PTCHD4: variants seen among roughly 807,000 people sequenced by gnomAD.
PTCHD4 encodes patched domain-containing protein 4.
PTCHD4 carries 33 observed loss-of-function variants against 58.1 expected under a neutral mutation model. The ratio of observed to expected loss-of-function variants is 0.57; its 90% confidence interval spans 0.43 to 0.76. PTCHD4 has a LOEUF of 0.76. PTCHD4 is among the 30% of genes least tolerant of loss of function. The pLI is 0.00. For synonymous variants in PTCHD4, 478 were observed against 409.6 expected (o/e 1.17, Z -2.02); for missense variants, 1,058 against 1,027.1 (o/e 1.03, Z -0.41).
chr6:48,068,343 A>T lies in PTCHD4; in HGVS notation c.304T>A (p.Leu102Ile), dbSNP rs749835486. ...DQSKSQLYSD[L>I]HTPGRYGRVI... ...CTGCCATACCTCCCAGGGGTGTGTAAGTCCGAATAGAGCTGGCTTTTGGAC... is the reference window on the plus strand; with the variant it reads ...CTGCCATACCTCCCAGGGGTGTGTATGTCCGAATAGAGCTGGCTTTTGGAC... The change falls in exon 3 of 5, where the codon TTA becomes ATA. Residue 102 changes from leucine to isoleucine, a missense_variant. Physicochemically the swap from Leu to Ile is conservative, Grantham distance 5. Transcript: ENST00000339488. This position sits in a 1 kb window ranked among gnomAD's most constrained non-coding sequence, Gnocchi z 4.2. 1.9e-6 allele frequency: 3 copies of T among 1,613,892 alleles called. No individual in the cohort carries two copies. Among genetic ancestry groups the T allele is most frequent in the East Asian group, 4.5e-5 (2 of 44,834 alleles).
At chr6:47,888,454 G>A (rs1405101171) in intron 4 of PTCHD4, among the ~76,000 whole-genome samples, 1 of 152,094 alleles carries the variant, frequency 6.6e-6, no homozygotes, top group Non-Finnish European at 1.5e-5. Flanking sequence ...GCACTCAGGA[G>A]GTTACAGGAT....
At chr6:47,954,325 C>G (rs958142541) in intron 4 of PTCHD4, among the ~76,000 whole-genome samples, 2 of 152,104 alleles carry the variant, frequency 1.3e-5, no homozygotes, top group African/African-American at 4.8e-5. Flanking sequence ...CCACTGCACT[C>G]CAGCATGGGC....
chr6:47,913,469 C>G (rs1765131366), intron 4 of PTCHD4, among the ~76,000 whole-genome samples: 1 of 151,968 alleles, frequency 6.6e-6, no homozygotes, highest in Non-Finnish European at 1.5e-5. Flanking sequence ...TATTTTTTCA[C>G]TCTGGTAAAA....
rs1429946486 is a variant in PTCHD4, at chr6:48,068,735, G to GCCT, written c.6-97_6-95dup. 3 of 1,158,112 alleles carry GCCT rather than the reference G, an allele frequency of 2.6e-6. No individual in the cohort carries two copies. The African/African-American group carries it at 7.6e-5, about 29-fold the overall frequency. 71.7% of individuals were successfully genotyped at this position (1,158,112 alleles called of 1,614,324 possible). A position where few individuals can be genotyped will look rare whatever the true frequency, so the allele number is the denominator to read the frequency against. ...CCAGTCCCCCCTCCCCACCGCCGCC[G>GCCT]CCTCCCCACCCACTCCGCGCTCACC... is the stretch of plus-strand genomic sequence containing the variant. On this transcript the variant is annotated intron_variant, in intron 2 of 4. Transcript: ENST00000339488. The surrounding 1 kb of genome is among the most constrained non-coding windows in gnomAD (Gnocchi z 4.2).
intron 3 of PTCHD4, among the ~76,000 whole-genome samples, chr6:48,063,508 G>A (rs114013223): frequency 2.5e-4 from 38 of 152,290 alleles, no homozygotes; most frequent in Non-Finnish European, 4.7e-4. Context: ...TTGTGGTTAA[G>A]AATATGAGCT....
At chr6:47,957,123 C>T (rs982556021) in intron 4 of PTCHD4, among the ~76,000 whole-genome samples, 1 of 151,256 alleles carries the variant, frequency 6.6e-6, no homozygotes, top group Non-Finnish European at 1.5e-5. Context: ...CAAGATCATG[C>T]CACTGCATTC....
At chr6:47,963,160 A>T (rs963603005) in intron 4 of PTCHD4, among the ~76,000 whole-genome samples, 5 of 151,862 alleles carry the variant, frequency 3.3e-5, no homozygotes, top group African/African-American at 1.2e-4. Flanking sequence ...AATAAATAAA[A>T]AAGAAAAAAA....
At chr6:48,018,170 AC>A (rs1219643574) in intron 3 of PTCHD4, among the ~76,000 whole-genome samples, 1 of 152,238 alleles carries the variant, frequency 6.6e-6, no homozygotes, top group African/African-American at 2.4e-5. Flanking sequence ...GGTGGAAAGA[AC>A]ATAGGGCACA....
chr6:47,913,838 A>G (rs9357564), intron 4 of PTCHD4, among the ~76,000 whole-genome samples: 105,635 of 151,962 alleles, frequency 0.7, 37,265 homozygotes, highest in East Asian at 0.86. Context: ...CCCTTCTCTA[A>G]ACATTTTTCT....
At chr6:48,078,990 G>C (rs1765112139) in intron 1 of PTCHD4, among the ~76,000 whole-genome samples, 1 of 151,982 alleles carries the variant, frequency 6.6e-6, no homozygotes, top group African/African-American at 2.4e-5. Context: ...GTGGTGCCGG[G>C]CGCCTGTAGT....
chr6:47,932,107 A>G (rs912057194), intron 4 of PTCHD4, among the ~76,000 whole-genome samples: 8 of 152,178 alleles, frequency 5.3e-5, no homozygotes, highest in African/African-American at 1.7e-4. Context: ...ACTCCTGCTT[A>G]GCTTGCATTC....
chr6:48,063,498 T>C (rs944924690), intron 3 of PTCHD4, among the ~76,000 whole-genome samples: 1 of 152,150 alleles, frequency 6.6e-6, no homozygotes, highest in East Asian at 1.9e-4. Context: ...TAATATTGTA[T>C]TGTGGTTAAG....
At position 47,878,460 on chromosome 6, in the gene PTCHD4, G is replaced by A. The variant is rs756620725; in HGVS notation, c.2375C>T (p.Thr792Ile). The A allele has an allele frequency of 4.3e-6, 7 of 1,613,466 alleles. No homozygotes were observed. The highest frequency in any genetic ancestry group is 5.9e-6 in the Non-Finnish European group (7 of 1,179,678). ...TAAAATAACAAAACAGTGCAGAAGT[G>A]TGCAACCCCCAGTGAGCAGCAAGCA... ...FKCLLLTGGC[T>I]LLHCFVILPV... Residue 792 changes from threonine to isoleucine, a missense_variant, in exon 5 of 5, where the codon ACA (threonine) becomes ATA (isoleucine). Coordinates refer to ENST00000339488, the MANE Select transcript of PTCHD4 (RefSeq NM_001384253.1).
chr6:48,108,221 A>G (rs1447058772), intron 1 of PTCHD4, among the ~76,000 whole-genome samples: 1 of 152,242 alleles, frequency 6.6e-6, no homozygotes, highest in African/African-American at 2.4e-5. Context: ...ACAATGATGG[A>G]CTGGATTAAG....
At chr6:47,944,699 T>A (rs556118372) in intron 4 of PTCHD4, among the ~76,000 whole-genome samples, 4 of 152,202 alleles carry the variant, frequency 2.6e-5, no homozygotes, top group South Asian at 2.1e-4. Context: ...TGTAATTACA[T>A]CTCTGTTTGC....
At chr6:48,101,938 GA>G (rs1396466308) in intron 1 of PTCHD4, among the ~76,000 whole-genome samples, 1 of 152,168 alleles carries the variant, frequency 6.6e-6, no homozygotes, top group Non-Finnish European at 1.5e-5. Flanking sequence ...CTGGTCAATG[GA>G]AATTACAAGT....
intron 3 of PTCHD4, among the ~76,000 whole-genome samples, chr6:48,024,209 A>C (rs1364177141): frequency 6.6e-6 from 1 of 152,148 alleles, no homozygotes; most frequent in African/African-American, 2.4e-5. Flanking sequence ...TGATTCACTG[A>C]ACTTAAATAA....
intron 4 of PTCHD4, among the ~76,000 whole-genome samples, chr6:47,982,955 T>C (rs925641659): frequency 1.3e-5 from 2 of 152,158 alleles, no homozygotes; most frequent in African/African-American, 2.4e-5. Flanking sequence ...ATAAATAACG[T>C]TGAAATTTTT....
intron 4 of PTCHD4, among the ~76,000 whole-genome samples, chr6:47,907,870 T>C (rs949544605): frequency 6.6e-6 from 1 of 152,096 alleles, no homozygotes; most frequent in Admixed American, 6.5e-5. Context: ...AGGGGAAACC[T>C]GGACTCCCCT....
Sources: gnomAD v4.1 joint callset for allele counts (sites outside exome capture counted in the v4.1 genomes callset) on GRCh38, gnomAD v4.1.1 for gene constraint, Gnocchi (gnomAD v3.1) non-coding constraint, MANE v1.5 for transcripts, NCBI Gene and HGNC (gene_info 2026-07-23, HGNC 2026-07-21) for gene names.